The following ZNRF3 variants were observed in gnomAD, a reference collection of about 807,000 sequenced individuals.
The protein encoded by ZNRF3 is zinc and ring finger 3.
Under a neutral mutation model 72.5 loss-of-function variants are expected in ZNRF3, and 23 were observed. The ratio of observed to expected loss-of-function variants is 0.32; its 90% CI spans 0.23 to 0.45. ZNRF3 has a LOEUF of 0.45. Among genes scored for constraint, ZNRF3 ranks in the 20% least tolerant of loss-of-function variants. The pLI is 1.00. For missense variants in ZNRF3, 1,169 were observed against 1,272.1 expected (o/e 0.92, Z 1.23); for synonymous variants, 610 against 545.3 (o/e 1.12, Z -1.65).
chr22:29,024,284 G>GTTTTTTTT (rs59532780), intron 2 of ZNRF3, among the ~76,000 whole-genome samples: 15,324 of 126,512 alleles, frequency 0.12, 1,326 homozygotes, highest in African/African-American at 0.18. Flanking sequence ...GGCATTAACT[G>GTTTTTTTT]TTTTTTTTTT....
chr22:29,011,295 G>A (rs2036342926), intron 2 of ZNRF3, among the ~76,000 whole-genome samples: 1 of 152,150 alleles, frequency 6.6e-6, no homozygotes, highest in African/African-American at 2.4e-5. Flanking sequence ...GCTGGCTGCG[G>A]GGGTCCAGCA....
intron 1 of ZNRF3, among the ~76,000 whole-genome samples, chr22:28,930,725 C>T (rs1177957987): frequency 6.6e-6 from 1 of 152,224 alleles, no homozygotes; most frequent in African/African-American, 2.4e-5. Context: ...GAGATGTGCA[C>T]TTCTGAGAAT....
At chr22:28,933,312 G>A (rs1047892044) in intron 1 of ZNRF3, among the ~76,000 whole-genome samples, 1 of 152,188 alleles carries the variant, frequency 6.6e-6, no homozygotes, top group Admixed American at 6.5e-5. Context: ...TTTGAGCAAT[G>A]TGGTAATTCA....
chr22:29,026,554 T>C (rs539837744), intron 2 of ZNRF3: 2 of 152,354 alleles, frequency 1.3e-5, no homozygotes, highest in South Asian at 2.1e-4. Context: ...AGAAGACCCA[T>C]CTGGAACTTG....
At chr22:28,934,877 C>T (rs77961059) in intron 1 of ZNRF3, among the ~76,000 whole-genome samples, 2,718 of 150,306 alleles carry the variant, frequency 0.018, 91 homozygotes, top group African/African-American at 0.064. Context: ...CCATCCTGTT[C>T]TTCCTGTAGA....
chr22:28,978,809 A>C (rs905744015), intron 1 of ZNRF3, among the ~76,000 whole-genome samples: 20 of 152,166 alleles, frequency 1.3e-4, no homozygotes, highest in African/African-American at 4.3e-4. Context: ...TAACTCTTAT[A>C]GTCAATTGCA....
intron 2 of ZNRF3, among the ~76,000 whole-genome samples, chr22:29,036,330 G>C (rs2036867668): frequency 1.3e-5 from 2 of 152,172 alleles, no homozygotes; most frequent in Non-Finnish European, 1.5e-5. Context: ...TTTGGCTAAG[G>C]AGAAGCACCA....
intron 2 of ZNRF3, among the ~76,000 whole-genome samples, chr22:29,013,129 A>G (rs2036372888): frequency 6.6e-6 from 1 of 152,200 alleles, no homozygotes. Flanking sequence ...GCCACATGGT[A>G]GACAAATATG....
Position 28,937,174 on chromosome 22 carries a change from AATATATATATATAT to A in ZNRF3, c.301-49873_301-49860del, listed in dbSNP as rs61520434. Reference sequence around the variant, plus strand: ...CGCTGCCAACCTACTTCTCTCTTATAATATATATATATATATATATATATATATATATATATATA... The same window carrying A: ...CGCTGCCAACCTACTTCTCTCTTATAATATATATATATATATATATATATA... On this transcript the variant is annotated intron_variant, in intron 1 of 8. Transcript: ENST00000544604. Among the ~76,000 whole-genome samples the A allele has an allele frequency of 3.6e-3, 281 of 78,606 alleles. 3 individuals are homozygous for A. The highest frequency in any genetic ancestry group is 0.013 in the African/African-American group (206 of 15,304). 51.6% of individuals were successfully genotyped at this position (78,606 alleles called of 152,430 possible). A position where few individuals can be genotyped will look rare whatever the true frequency, so the allele number is the denominator to read the frequency against.
intron 2 of ZNRF3, among the ~76,000 whole-genome samples, chr22:29,013,209 C>T (rs991420220): frequency 6.6e-6 from 1 of 152,130 alleles, no homozygotes. Flanking sequence ...CAGGGAATCC[C>T]AAGATGTTTC....
At chr22:28,941,441 C>T (rs2034945956) in intron 1 of ZNRF3, among the ~76,000 whole-genome samples, 2 of 152,274 alleles carry the variant, frequency 1.3e-5, no homozygotes, top group Admixed American at 1.3e-4. Context: ...AATAAGATGA[C>T]TTTATTACTT....
At chr22:29,037,722 G>A (rs968383997) in intron 2 of ZNRF3, among the ~76,000 whole-genome samples, 2 of 152,190 alleles carry the variant, frequency 1.3e-5, no homozygotes, top group Non-Finnish European at 2.9e-5. Flanking sequence ...TAAAAGGACC[G>A]TGGCAATCTT....
At chr22:28,942,629 C>G (rs1468136107) in intron 1 of ZNRF3, among the ~76,000 whole-genome samples, 2 of 152,122 alleles carry the variant, frequency 1.3e-5, no homozygotes, top group Admixed American at 1.3e-4. Context: ...CCCTGGAATC[C>G]TGTATGATTC....
intron 1 of ZNRF3, among the ~76,000 whole-genome samples, chr22:28,886,323 A>G (rs998782215): frequency 6.6e-6 from 1 of 152,264 alleles, no homozygotes; most frequent in Admixed American, 6.5e-5. Context: ...GAGAGGGAAT[A>G]TAACATTTTC....
intron 2 of ZNRF3, among the ~76,000 whole-genome samples, chr22:29,020,787 GT>G (rs568885270): frequency 0.032 from 4,776 of 150,008 alleles, 197 homozygotes; most frequent in South Asian, 0.1. Context: ...GTGTGTGTGT[GT>G]GTGTGTGTGT....
At chr22:28,965,401 T>C (rs907024748) in intron 1 of ZNRF3, among the ~76,000 whole-genome samples, 1 of 152,192 alleles carries the variant, frequency 6.6e-6, no homozygotes, top group Non-Finnish European at 1.5e-5. Context: ...AAGTAGATAT[T>C]CTTTTTTTAT....
intron 2 of ZNRF3, among the ~76,000 whole-genome samples, chr22:29,004,705 G>T (rs1422300172): frequency 6.6e-6 from 1 of 152,180 alleles, no homozygotes; most frequent in East Asian, 1.9e-4. Flanking sequence ...CACCTTGGCA[G>T]GGCCTCATCC....
intron 2 of ZNRF3, among the ~76,000 whole-genome samples, chr22:29,000,631 T>C (rs1033700687): frequency 6.6e-6 from 1 of 152,190 alleles, no homozygotes; most frequent in Non-Finnish European, 1.5e-5. Context: ...TTTGCATTAC[T>C]CTAAGGAATA....
Position 28,929,862 on chromosome 22 carries a change from G to A in ZNRF3, c.300+45796G>A, listed in dbSNP as rs976573041. ...AGTTTTAATTAAAGCTTATAAAAGG[G>A]ATTCAAGCTCAGGCCTTTGTGAATA... is the stretch of plus-strand genomic sequence containing the variant. On this transcript the variant is annotated intron_variant, in intron 1 of 8. Transcript: ENST00000544604. Among the ~76,000 whole-genome samples the A allele has an allele frequency of 2.6e-5, 4 of 152,274 alleles. No individual in the cohort carries two copies. The South Asian group carries it at 8.3e-4, about 32-fold the overall frequency.
Sources: allele counts gnomAD v4.1 joint callset (sites outside exome capture counted in the v4.1 genomes callset), GRCh38; gene constraint gnomAD v4.1.1; transcripts MANE v1.5; gene names NCBI Gene and HGNC (gene_info 2026-07-23, HGNC 2026-07-21).